Variants in SPNS3 observed in about 807,000 individuals in gnomAD.
SPNS3 encodes SPNS lysolipid transporter 3, sphingosine-1-phosphate (putative), also known as protein spinster homolog 3.
Under a neutral mutation model 54.4 loss-of-function variants are expected in SPNS3, and 51 were observed. The ratio of observed to expected loss-of-function variants is 0.94; its 90% CI spans 0.75 to 1.18. The LOEUF (loss-of-function observed/expected upper bound fraction) is 1.18, where lower values mean the gene tolerates loss of function less well. Among genes scored for constraint, SPNS3 ranks in the 50% most tolerant of loss-of-function variants. SPNS3 has a pLI of 0.00. For synonymous variants in SPNS3, 309 were observed against 294.7 expected (o/e 1.05, Z -0.50); for missense variants, 669 against 677.4 (o/e 0.99, Z 0.14).
intron 8 of SPNS3, among the ~76,000 whole-genome samples, chr17:4,469,927 A>G (rs1204628977): frequency 2.6e-5 from 4 of 152,210 alleles, no homozygotes. Context: ...AGAAGAAAAT[A>G]ACCGTTATTC....
Position 4,486,679 on chromosome 17 carries a change from C to T in SPNS3, c.1450+96C>T, listed in dbSNP as rs192507805. On this transcript the variant is annotated intron_variant, in intron 11 of 11. Coordinates refer to ENST00000355530, the MANE Select transcript of SPNS3 (RefSeq NM_182538.5). The surrounding 1 kb of genome is among the most constrained non-coding windows in gnomAD (Gnocchi z 5.5). ...TGAATCCCTGGCCAGTTTGTTTGTTCATTCATCCAGAAATGCTTAGTACAC... is the reference window on the plus strand; with the variant it reads ...TGAATCCCTGGCCAGTTTGTTTGTTTATTCATCCAGAAATGCTTAGTACAC... 4.3e-3 allele frequency: 5,664 copies of T among 1,329,660 alleles called. 21 individuals are homozygous for T. Among genetic ancestry groups the T allele is most frequent in the Non-Finnish European group, 5.0e-3 (4,878 of 979,750 alleles). The allele number at this position is 1,329,660 out of a possible 1,614,324, so 82.4% of individuals were successfully genotyped here.
intron 9 of SPNS3, among the ~76,000 whole-genome samples, chr17:4,480,024 A>G (rs1195702095): frequency 1.3e-5 from 2 of 152,272 alleles, no homozygotes; most frequent in East Asian, 3.8e-4. Context: ...GGGCATGTAT[A>G]GTCGTTGAAT....
At chr17:4,451,040 C>T (rs1482647634) in intron 7 of SPNS3, among the ~76,000 whole-genome samples, 3 of 152,036 alleles carry the variant, frequency 2.0e-5, no homozygotes, top group Non-Finnish European at 4.4e-5. Context: ...TGCTTAGGGG[C>T]TGGCGGGGGT....
Position 4,453,191 on chromosome 17 carries a change from C to G in SPNS3, c.1099C>G (p.Leu367Val), listed in dbSNP as rs531467530. The G allele has an allele frequency of 6.2e-7, 1 of 1,612,718 alleles. No homozygotes were observed. The highest frequency in any genetic ancestry group is 8.5e-7 in the Non-Finnish European group (1 of 1,179,638). ...YLALVLAPTT[L>V]LASYVFLGLG... ...GGCTCTCGTCCTGGCCCCGACCACC[C>G]TGCTGGCCTCCTATGTAAGTGAGAG... The change falls in exon 8 of 12, where the codon CTG becomes GTG. Residue 367 changes from leucine to valine, a missense_variant. Transcript: ENST00000355530.
At chr17:4,468,175 G>A (rs1006449545) in intron 8 of SPNS3, among the ~76,000 whole-genome samples, 2 of 152,128 alleles carry the variant, frequency 1.3e-5, no homozygotes, top group Admixed American at 6.5e-5. Context: ...GCGTGGAGGC[G>A]CACACCTGTC....
rs577611761 is a variant in SPNS3 at position 4,441,533 on chromosome 17, C to T, written c.265+1810C>T. On this transcript the variant is annotated intron_variant, in intron 2 of 11. Coordinates refer to ENST00000355530, the MANE Select transcript of SPNS3 (RefSeq NM_182538.5). ...AGTGAGACCATCTTGGTTCAACACCCACAACCTTCTCGATTAAATAGATAA... is the reference window on the plus strand; with the variant it reads ...AGTGAGACCATCTTGGTTCAACACCTACAACCTTCTCGATTAAATAGATAA... Among the ~76,000 whole-genome samples the T allele has an allele frequency of 3.0e-4, 45 of 152,348 alleles. No individual in the cohort carries two copies. In the South Asian group the frequency reaches 5.0e-3, roughly 17 times the overall value.
Position 4,486,516 on chromosome 17 carries a change from C to T in SPNS3, c.1383C>T (p.Gly461=), listed in dbSNP as rs559781280. ...LCCAFVIALG[G]GCFLLTALYL... is the part of the protein sequence containing the mutation. ...GCGCCTTTGTCATCGCCCTGGGGGG[C>T]GGCTGCTTCCTGCTGACTGCGCTGT... The change falls in exon 11 of 12, where the codon GGC becomes GGT. Residue 461 remains glycine (G), a synonymous_variant. Coordinates refer to ENST00000355530, the MANE Select transcript of SPNS3 (RefSeq NM_182538.5). This position sits in a 1 kb window ranked among gnomAD's most constrained non-coding sequence, Gnocchi z 5.5. 9.3e-6 allele frequency: 15 copies of T among 1,613,620 alleles called. No individual in the cohort carries two copies. The highest frequency in any genetic ancestry group is 3.3e-5 in the South Asian group (3 of 91,078).
intron 1 of SPNS3, among the ~76,000 whole-genome samples, chr17:4,438,086 C>A (rs1970759706): frequency 6.6e-6 from 1 of 152,224 alleles, no homozygotes; most frequent in African/African-American, 2.4e-5. Context: ...CACGTCCCTC[C>A]CTGAGCAAGG....
At chr17:4,472,744 A>G (rs1239556631) in intron 8 of SPNS3, among the ~76,000 whole-genome samples, 5 of 140,628 alleles carry the variant, frequency 3.6e-5, no homozygotes, top group Non-Finnish European at 4.5e-5. Context: ...ACTCTCTTCT[A>G]CAGAATTGTC....
chr17:4,480,898 C>A (rs1205040657), intron 9 of SPNS3, among the ~76,000 whole-genome samples: 2 of 152,218 alleles, frequency 1.3e-5, no homozygotes, highest in Non-Finnish European at 2.9e-5. Flanking sequence ...GCCAAAGATG[C>A]CTTTTGGCCT....
chr17:4,466,539 CAA>C (rs71144202), intron 8 of SPNS3, among the ~76,000 whole-genome samples: 61,541 of 104,326 alleles, frequency 0.59, 15,733 homozygotes, highest in Middle Eastern at 0.72. Flanking sequence ...GACTCTGTCT[CAA>C]AAAAAAAAAA....
At chr17:4,466,662 T>G (rs186669855) in intron 8 of SPNS3, among the ~76,000 whole-genome samples, 8 of 151,500 alleles carry the variant, frequency 5.3e-5, no homozygotes, top group African/African-American at 1.9e-4. Context: ...GCCAACATGG[T>G]GAAACCCTGC....
At chr17:4,472,387 T>C (rs1971877771) in intron 8 of SPNS3, among the ~76,000 whole-genome samples, 1 of 152,210 alleles carries the variant, frequency 6.6e-6, no homozygotes, top group African/African-American at 2.4e-5. Context: ...TGAGTTGAGC[T>C]TGGGCTCCGC....
In SPNS3 at chr17:4,446,807, G is replaced by T. The variant is rs574397133; in HGVS notation, c.555-89G>T. On this transcript the variant is annotated intron_variant, in intron 4 of 11. Coordinates refer to ENST00000355530, the MANE Select transcript of SPNS3 (RefSeq NM_182538.5). Reference sequence around the variant, plus strand: ...GCAGAGAGCCAGCTCCCTGGGGCGTGGGGGGGGCACCCTGGGTCAGGCTGG... The same window carrying T: ...GCAGAGAGCCAGCTCCCTGGGGCGTTGGGGGGGCACCCTGGGTCAGGCTGG... 353 of 1,236,958 alleles carry T rather than the reference G, an allele frequency of 2.9e-4. 2 individuals are homozygous for T. The highest frequency in any genetic ancestry group is 2.5e-3 in the East Asian group (105 of 42,576). 76.6% of individuals were successfully genotyped at this position (1,236,958 alleles called of 1,614,324 possible).
At chr17:4,463,270 A>C (rs1278397053) in intron 8 of SPNS3, among the ~76,000 whole-genome samples, 1 of 151,196 alleles carries the variant, frequency 6.6e-6, no homozygotes, top group African/African-American at 2.4e-5. Flanking sequence ...TGGTGGTGGC[A>C]CCTGTAATCC....
intron 8 of SPNS3, among the ~76,000 whole-genome samples, chr17:4,475,921 G>A (rs948160904): frequency 5.3e-5 from 8 of 152,192 alleles, no homozygotes; most frequent in African/African-American, 1.4e-4. Flanking sequence ...AGTGCAAAGC[G>A]GGGTTACCAT....
At chr17:4,458,641 C>CTT (rs1416762336) in intron 8 of SPNS3, among the ~76,000 whole-genome samples, 1 of 123,672 alleles carries the variant, frequency 8.1e-6, no homozygotes, top group Non-Finnish European at 1.7e-5. Flanking sequence ...TTCTTTCTTT[C>CTT]TTTCTTTCCT....
rs1192579864 is a variant in SPNS3 at position 4,448,151 on chromosome 17, C to T, written c.622-4C>T. 1 of 1,582,838 alleles carries T rather than the reference C, an allele frequency of 6.3e-7. No homozygotes were observed. The highest frequency in any genetic ancestry group is 1.2e-5 in the South Asian group (1 of 86,196). On this transcript the variant is annotated splice_region_variant and splice_polypyrimidine_tract_variant and intron_variant, in intron 5 of 11. Transcript: ENST00000355530. ...CTGAGCTTCCTGGGCCCTCCTGTCC[C>T]CAGGTCATGCCCTGCCTGGAGGCCG...
chr17:4,438,844 G>A (rs1468262936), intron 1 of SPNS3, among the ~76,000 whole-genome samples: 2 of 152,226 alleles, frequency 1.3e-5, no homozygotes, highest in African/African-American at 2.4e-5. Flanking sequence ...CTGTGCATAC[G>A]CGGGCAGGCC....
Sources: allele counts gnomAD v4.1 joint callset (sites outside exome capture counted in the v4.1 genomes callset), GRCh38; gene constraint gnomAD v4.1.1; non-coding constraint Gnocchi (gnomAD v3.1); transcripts MANE v1.5; gene names NCBI Gene and HGNC (gene_info 2026-07-23, HGNC 2026-07-21).